The following GALNT13 variants were observed in gnomAD, a reference collection of about 807,000 sequenced individuals.
GALNT13 encodes the protein polypeptide N-acetylgalactosaminyltransferase 13.
Under a neutral mutation model 64.2 loss-of-function variants are expected in GALNT13, and 28 were observed. The ratio of observed to expected loss-of-function variants is 0.44; its 90% CI spans 0.32 to 0.60. The LOEUF is 0.60. Ranked by LOEUF, GALNT13 falls within the 20% of genes least tolerant of loss-of-function variation. The probability of loss-of-function intolerance (pLI) is 0.05; values close to 1 mark genes in which losing one functional copy is unlikely to be tolerated. For synonymous variants in GALNT13, 214 were observed against 224.6 expected (o/e 0.95, Z 0.42); for missense variants, 577 against 669.8 (o/e 0.86, Z 1.53).
chr2:154,050,974 C>G (rs983008877), intron 3 of GALNT13, among the ~76,000 whole-genome samples: 2 of 152,170 alleles, frequency 1.3e-5, no homozygotes, highest in African/African-American at 4.8e-5. Flanking sequence ...TTGACCTCCC[C>G]CTCCCAGGAC....
At chr2:153,374,959 A>G in the GALNT13 span, among the ~76,000 whole-genome samples, 5 of 152,186 alleles carry the variant, frequency 3.3e-5, no homozygotes, top group African/African-American at 1.2e-4. Flanking sequence ...AGCTTTGTAA[A>G]TAATCCTTTC....
intron 12 of GALNT13, among the ~76,000 whole-genome samples, chr2:154,440,706 T>C (rs932775215): frequency 6.6e-6 from 1 of 152,136 alleles, no homozygotes; most frequent in Non-Finnish European, 1.5e-5. Flanking sequence ...ATGTTTATGT[T>C]TTCAAAATTA....
At chr2:154,021,541 A>G (rs1311905518) in intron 3 of GALNT13, among the ~76,000 whole-genome samples, 8 of 152,100 alleles carry the variant, frequency 5.3e-5, no homozygotes, top group Non-Finnish European at 1.0e-4. Flanking sequence ...TGATTTTTGT[A>G]TATTGATTTT....
intron 3 of GALNT13, among the ~76,000 whole-genome samples, chr2:154,068,834 A>G (rs1287219229): frequency 1.3e-5 from 2 of 152,112 alleles, no homozygotes; most frequent in Non-Finnish European, 2.9e-5. Flanking sequence ...ACTACAGTCA[A>G]CAATAATTTA....
the GALNT13 span, among the ~76,000 whole-genome samples, chr2:153,252,119 C>T: frequency 2.0e-5 from 3 of 148,158 alleles, no homozygotes; most frequent in Non-Finnish European, 3.0e-5. Context: ...TCTCCACATC[C>T]TCTCCAGCAC....
intron 4 of GALNT13, among the ~76,000 whole-genome samples, chr2:154,152,550 C>T (rs1466730638): frequency 4.6e-5 from 7 of 152,134 alleles, no homozygotes; most frequent in East Asian, 3.9e-4. Context: ...CCATTCACCC[C>T]GTCACTTTCA....
the GALNT13 span, among the ~76,000 whole-genome samples, chr2:153,554,876 AT>A: frequency 6.6e-6 from 1 of 152,106 alleles, no homozygotes; most frequent in Non-Finnish European, 1.5e-5. Flanking sequence ...TATGAAAATT[AT>A]TGTATGTGTA....
chr2:153,831,499 G>C, the GALNT13 span, among the ~76,000 whole-genome samples: 1 of 152,066 alleles, frequency 6.6e-6, no homozygotes, highest in Non-Finnish European at 1.5e-5. Flanking sequence ...ATTCCTTCTT[G>C]TAGCAGCCAC....
intron 9 of GALNT13, among the ~76,000 whole-genome samples, chr2:154,320,331 A>G (rs1227334327): frequency 1.3e-5 from 2 of 152,186 alleles, no homozygotes; most frequent in African/African-American, 4.8e-5. Flanking sequence ...CTAAGACATT[A>G]CATTTACTAA....
At chr2:154,035,659 C>A (rs1698618692) in intron 3 of GALNT13, among the ~76,000 whole-genome samples, 1 of 151,974 alleles carries the variant, frequency 6.6e-6, no homozygotes, top group Middle Eastern at 3.4e-3. Context: ...TTTATTGATG[C>A]CTAGACCAAT....
At chr2:154,307,881 G>A (rs1282117905) in intron 9 of GALNT13, among the ~76,000 whole-genome samples, 1 of 152,042 alleles carries the variant, frequency 6.6e-6, no homozygotes, top group Non-Finnish European at 1.5e-5. Flanking sequence ...CTTGGTCACA[G>A]GTAAAAAGCT....
intron 3 of GALNT13, among the ~76,000 whole-genome samples, chr2:153,994,819 CT>C (rs1244195821): frequency 3.3e-5 from 5 of 151,958 alleles, no homozygotes; most frequent in Admixed American, 6.6e-5. Flanking sequence ...TGGATACTAG[CT>C]TTTTTTCAGA....
intron 3 of GALNT13, among the ~76,000 whole-genome samples, chr2:154,035,567 T>C (rs1698612465): frequency 6.6e-6 from 1 of 152,036 alleles, no homozygotes; most frequent in South Asian, 2.1e-4. Flanking sequence ...TTTAAAGTAG[T>C]TTGAACTATG....
intron 9 of GALNT13, among the ~76,000 whole-genome samples, chr2:154,376,508 T>G (rs1698001951): frequency 6.6e-6 from 1 of 152,142 alleles, no homozygotes. Context: ...TAAAACAAAT[T>G]TAGTTAATAA....
At chr2:153,207,698 A>C in the GALNT13 span, among the ~76,000 whole-genome samples, 4 of 152,176 alleles carry the variant, frequency 2.6e-5, no homozygotes, top group Non-Finnish European at 4.4e-5. Context: ...GTGACCAGTT[A>C]TTTATATTAG....
the GALNT13 span, among the ~76,000 whole-genome samples, chr2:153,501,949 A>C: frequency 6.6e-6 from 1 of 152,282 alleles, no homozygotes; most frequent in African/African-American, 2.4e-5. Flanking sequence ...TTTTGAACTC[A>C]CGGAGGGGCA....
chr2:153,323,259 C>G, the GALNT13 span, among the ~76,000 whole-genome samples: 3 of 152,048 alleles, frequency 2.0e-5, no homozygotes, highest in African/African-American at 7.2e-5. Context: ...TGATGATGAG[C>G]TTTTTTTCAT....
intron 3 of GALNT13, among the ~76,000 whole-genome samples, chr2:154,085,629 C>T (rs1701483752): frequency 6.6e-6 from 1 of 152,200 alleles, no homozygotes; most frequent in Non-Finnish European, 1.5e-5. Context: ...AACTCTGCCT[C>T]AGTTTGCTCA....
the GALNT13 span, among the ~76,000 whole-genome samples, chr2:153,668,064 TA>T: frequency 6.6e-6 from 1 of 152,264 alleles, no homozygotes; most frequent in South Asian, 2.1e-4. Context: ...TAATTATATA[TA>T]TTCTAAATAT....
Sources: allele counts gnomAD v4.1 joint callset (sites outside exome capture counted in the v4.1 genomes callset), GRCh38; gene constraint gnomAD v4.1.1; transcripts MANE v1.5; gene names NCBI Gene and HGNC (gene_info 2026-07-23, HGNC 2026-07-21).